Variants in TRAPPC10 observed in about 807,000 individuals in gnomAD.
The protein encoded by TRAPPC10 is trafficking protein particle complex subunit 10, also known as TRAPP 130 kDa subunit.
Under a neutral mutation model 125.5 loss-of-function variants are expected in TRAPPC10, and 23 were observed. The observed-to-expected ratio is 0.18, with a 90% CI of 0.13 to 0.26. TRAPPC10 has a LOEUF of 0.26. Among genes scored for constraint, TRAPPC10 ranks in the 10% least tolerant of loss-of-function variants. The pLI is 1.00. For synonymous variants in TRAPPC10, 509 were observed against 518.0 expected, an observed-to-expected ratio of 0.98 and a Z score of 0.24; for missense variants, 1,123 against 1,308.4, an observed-to-expected ratio of 0.86 and a Z score of 2.19.
At chr21:44,029,227 T>A (rs1426597667) in intron 1 of TRAPPC10, among the ~76,000 whole-genome samples, 1 of 152,172 alleles carries the variant, frequency 6.6e-6, no homozygotes, top group Non-Finnish European at 1.5e-5. Flanking sequence ...CCCAAGTAGC[T>A]GGGACTACAG....
chr21:44,069,934 C>T (rs1295097136), intron 7 of TRAPPC10, among the ~76,000 whole-genome samples: 1 of 151,772 alleles, frequency 6.6e-6, no homozygotes, highest in Non-Finnish European at 1.5e-5. Context: ...TGCTCTGTTT[C>T]CCAGGCTGGA....
At chr21:44,058,406 G>T (rs915470823) in intron 5 of TRAPPC10, among the ~76,000 whole-genome samples, 1 of 152,028 alleles carries the variant, frequency 6.6e-6, no homozygotes, top group Non-Finnish European at 1.5e-5. Context: ...GGGAAGGGGT[G>T]GGGGTGGGGG....
In TRAPPC10 at chr21:44,087,106, C is replaced by A; in HGVS notation, c.2539+146C>A. On this transcript the variant is annotated intron_variant, in intron 16 of 22. Transcript: ENST00000291574. The surrounding 1 kb of genome is among the most constrained non-coding windows in gnomAD (Gnocchi z 4.6). Reference sequence around the variant, plus strand: ...CCGTGTTCCATAGGAGCCCTGCGGCCTGATGCCTGTGCTGGGGTCCCATCT... The same window carrying A: ...CCGTGTTCCATAGGAGCCCTGCGGCATGATGCCTGTGCTGGGGTCCCATCT... 1.1e-6 allele frequency: 1 copy of A among 897,352 alleles called. No individual in the cohort carries two copies. Among genetic ancestry groups the A allele is most frequent in the Non-Finnish European group, 1.7e-6 (1 of 601,272 alleles). 55.6% of individuals were successfully genotyped at this position (897,352 alleles called of 1,614,324 possible).
chr21:44,074,844 G>A (rs1371742572), intron 8 of TRAPPC10, among the ~76,000 whole-genome samples, 195 bp from the exon 9 acceptor site: 3 of 152,210 alleles, frequency 2.0e-5, no homozygotes, highest in Admixed American at 6.5e-5. Context: ...GGACAGAAGC[G>A]GAGGATTCCC....
At chr21:44,048,205 T>C (rs554347982) in intron 3 of TRAPPC10, among the ~76,000 whole-genome samples, 2 of 152,330 alleles carry the variant, frequency 1.3e-5, no homozygotes, top group Admixed American at 6.5e-5. Context: ...CGGTCTACTT[T>C]ACTCACCATG....
intron 1 of TRAPPC10, among the ~76,000 whole-genome samples, chr21:44,028,395 G>C (rs1601583572): frequency 6.6e-6 from 1 of 152,324 alleles, no homozygotes; most frequent in East Asian, 1.9e-4. Flanking sequence ...CCTAGAAAGA[G>C]TGCCTGTGTC....
intron 20 of TRAPPC10, among the ~76,000 whole-genome samples, chr21:44,094,490 A>G (rs1052701215): frequency 6.6e-6 from 1 of 152,214 alleles, no homozygotes; most frequent in Admixed American, 6.5e-5. Context: ...GGAAAGCCCA[A>G]AGATTCCTTT....
chr21:44,074,275 A>G, intron 7 of TRAPPC10, 49 bp from the exon 8 acceptor site: 1 of 1,611,034 alleles, frequency 6.2e-7, no homozygotes, highest in Non-Finnish European at 8.5e-7. Context: ...TGTTCAAGCT[A>G]GAGCTGTCCC....
At chr21:44,095,458 A>T (rs899729171) in intron 20 of TRAPPC10, among the ~76,000 whole-genome samples, 1 of 151,606 alleles carries the variant, frequency 6.6e-6, no homozygotes, top group Non-Finnish European at 1.5e-5. Flanking sequence ...GGCTGGTCTC[A>T]AACTCTCTAC....
chr21:44,045,799 G>A (rs930921229), intron 3 of TRAPPC10, among the ~76,000 whole-genome samples: 5 of 151,932 alleles, frequency 3.3e-5, no homozygotes, highest in Admixed American at 6.6e-5. Flanking sequence ...CTTCTGATTC[G>A]CCCACCTCGG....
At position 44,063,013 on chromosome 21, in the gene TRAPPC10, C is replaced by T; in HGVS notation, c.791-525C>T. 3.1e-6 allele frequency: 4 copies of T among 1,304,012 alleles called. No individual in the cohort carries two copies. The highest frequency in any genetic ancestry group is 2.5e-5 in the South Asian group (2 of 80,976). The allele number at this position is 1,304,012 out of a possible 1,614,324, so 80.8% of individuals were successfully genotyped here. A position where few individuals can be genotyped will look rare whatever the true frequency, so the allele number is the denominator to read the frequency against. On this transcript the variant is annotated intron_variant, in intron 6 of 22. Transcript: ENST00000291574. The surrounding 1 kb of genome is among the most constrained non-coding windows in gnomAD (Gnocchi z 4.4). ...CGACAAGCAGTAATTCTTTTTCCTT[C>T]TATGTGCTGCTACCAAGTCCTCCCT...
intron 7 of TRAPPC10, among the ~76,000 whole-genome samples, chr21:44,070,665 T>C (rs192672367): frequency 3.7e-4 from 57 of 152,380 alleles, no homozygotes; most frequent in Middle Eastern, 6.8e-3. Context: ...CTCAAAGCCA[T>C]GAAGCCATGG....
chr21:44,029,660 G>A (rs965601192), intron 1 of TRAPPC10, among the ~76,000 whole-genome samples: 7 of 152,114 alleles, frequency 4.6e-5, no homozygotes, highest in Non-Finnish European at 8.8e-5. Context: ...GCACAAATGC[G>A]CTGTGTCACA....
chr21:44,060,915 TACACACAC>T (rs34848979), intron 6 of TRAPPC10, among the ~76,000 whole-genome samples: 6 of 132,260 alleles, frequency 4.5e-5, no homozygotes, highest in South Asian at 2.5e-4. Flanking sequence ...CATACATACA[TACACACAC>T]ACACACACAC....
intron 19 of TRAPPC10, among the ~76,000 whole-genome samples, chr21:44,093,813 T>C (rs540595870): frequency 9.2e-5 from 14 of 152,328 alleles, no homozygotes; most frequent in South Asian, 4.1e-4. Context: ...ATAAAACTTA[T>C]GGTATCATAA....
chr21:44,050,950 G>A (rs1455177531), intron 3 of TRAPPC10, among the ~76,000 whole-genome samples: 3 of 152,316 alleles, frequency 2.0e-5, no homozygotes, highest in African/African-American at 7.2e-5. Flanking sequence ...TGTCGCCCAG[G>A]CTGGAGTGCA....
chr21:44,056,909 T>G (rs2035635930), intron 5 of TRAPPC10, among the ~76,000 whole-genome samples: 1 of 152,034 alleles, frequency 6.6e-6, no homozygotes, highest in South Asian at 2.1e-4. Context: ...GATGGCAATG[T>G]TTAGGAAGCT....
chr21:44,087,277 C>T lies in TRAPPC10; in HGVS notation c.2539+317C>T, dbSNP rs562000779. On this transcript the variant is annotated intron_variant, in intron 16 of 22. Transcript: ENST00000291574. This position sits in a 1 kb window ranked among gnomAD's most constrained non-coding sequence, Gnocchi z 4.6. ...GTCCCCCTTGGGCTGGCCCTGCTCC[C>T]GAGAAGCAAAAGCAGAGCAGCCCTT... Among the ~76,000 whole-genome samples the T allele has an allele frequency of 6.6e-6, 1 of 152,278 alleles. No individual in the cohort carries two copies. The highest frequency in any genetic ancestry group is 2.4e-5 in the African/African-American group (1 of 41,550).
intron 3 of TRAPPC10, chr21:44,046,269 G>T: frequency 4.5e-6 from 1 of 222,294 alleles, no homozygotes; most frequent in South Asian, 8.2e-5. Flanking sequence ...TCACAGAGAT[G>T]CAGTCCACTG....
Sources: gnomAD v4.1 joint callset for allele counts (sites outside exome capture counted in the v4.1 genomes callset) on GRCh38, gnomAD v4.1.1 for gene constraint, Gnocchi (gnomAD v3.1) non-coding constraint, MANE v1.5 for transcripts, NCBI Gene and HGNC (gene_info 2026-07-23, HGNC 2026-07-21) for gene names.